Variants in ARHGEF4 observed in about 807,000 individuals in gnomAD.
The protein encoded by ARHGEF4 is Rho guanine nucleotide exchange factor 4.
In ARHGEF4, 119 loss-of-function variants were observed where a neutral mutation model predicts 162.0. The ratio of observed to expected loss-of-function variants is 0.73; its 90% CI spans 0.63 to 0.86. ARHGEF4 has a LOEUF of 0.86. Among genes scored for constraint, ARHGEF4 ranks in the 40% least tolerant of loss-of-function variants. The pLI, the probability that ARHGEF4 is intolerant of heterozygous loss-of-function variation, is 0.00. For missense variants in ARHGEF4, 2,488 were observed against 2,456.0 expected (o/e 1.01, Z -0.28); for synonymous variants, 1,014 against 979.9 (o/e 1.03, Z -0.65).
At chr2:130,894,148 A>G (rs547151457) in intron 1 of ARHGEF4, among the ~76,000 whole-genome samples, 6 of 152,326 alleles carry the variant, frequency 3.9e-5, no homozygotes, top group Admixed American at 3.9e-4. Context: ...CCAGTTTGCC[A>G]TGGACATGAT....
At chr2:130,942,831 T>A (rs1049979305) in intron 3 of ARHGEF4, among the ~76,000 whole-genome samples, 60 of 152,344 alleles carry the variant, frequency 3.9e-4, no homozygotes, top group African/African-American at 1.3e-3. Flanking sequence ...CAAACTTTTT[T>A]AAAATTTCAT....
intron 4 of ARHGEF4, among the ~76,000 whole-genome samples, chr2:130,975,232 T>C (rs1685628208): frequency 6.6e-6 from 1 of 152,198 alleles, no homozygotes. Context: ...AGGAGCTAAT[T>C]GTGTGAATCA....
At chr2:130,905,742 T>C (rs1460190674) in intron 1 of ARHGEF4, among the ~76,000 whole-genome samples, 1 of 152,246 alleles carries the variant, frequency 6.6e-6, no homozygotes, top group Admixed American at 6.5e-5. Flanking sequence ...TATATTGTTA[T>C]AATTACTCTT....
intron 4 of ARHGEF4, among the ~76,000 whole-genome samples, chr2:131,008,483 C>T (rs1262867726): frequency 2.6e-5 from 4 of 152,314 alleles, no homozygotes; most frequent in African/African-American, 7.2e-5. Flanking sequence ...ACCATCACAA[C>T]AGTCTCTTTC....
At chr2:131,015,819 C>G (rs537368495) in intron 4 of ARHGEF4, among the ~76,000 whole-genome samples, 11 of 152,326 alleles carry the variant, frequency 7.2e-5, no homozygotes, top group African/African-American at 2.6e-4. Flanking sequence ...GAAACTTCAC[C>G]TCTCTGGGCC....
intron 4 of ARHGEF4, among the ~76,000 whole-genome samples, chr2:131,019,855 C>T (rs1573627537): frequency 1.3e-5 from 2 of 152,030 alleles, no homozygotes; most frequent in African/African-American, 4.8e-5. Context: ...AGGATGGTCT[C>T]GATTTCCTGA....
chr2:130,980,535 A>C lies in ARHGEF4; in HGVS notation c.3985+33900A>C, dbSNP rs146509871. On this transcript the variant is annotated intron_variant, in intron 4 of 13. Coordinates refer to ENST00000409359, the MANE Select transcript of ARHGEF4 (RefSeq NM_001367493.1). The stretch of plus-strand genomic sequence containing the variant: ...AAGTAATCTTTCACTTAAATACTAT[A>C]CAACGAAACAGGGAGAAAGTAAGAA... 4.7e-3 allele frequency among the ~76,000 whole-genome samples: 717 copies of C among 152,372 alleles called. 5 individuals carry two copies. The highest frequency in any genetic ancestry group is 0.017 in the African/African-American group (689 of 41,596).
At chr2:130,984,602 T>A (rs1247268402) in intron 4 of ARHGEF4, among the ~76,000 whole-genome samples, 2 of 150,680 alleles carry the variant, frequency 1.3e-5, no homozygotes, top group Non-Finnish European at 2.9e-5. Context: ...GGCAGGAGAA[T>A]CGCTTGAACC....
Position 130,946,649 on chromosome 2 carries a change from C to A in ARHGEF4, c.3985+14C>A. On this transcript the variant is annotated intron_variant, in intron 4 of 13. Transcript: ENST00000409359. The stretch of plus-strand genomic sequence containing the variant: ...CACCAGGCACTGGTGAGTTACGCGC[C>A]TCTCTCTTTTGCTATGTACTCTGGA... The A allele has an allele frequency of 2.5e-6, 4 of 1,613,664 alleles. No individual in the cohort carries two copies. Among genetic ancestry groups the A allele is most frequent in the Non-Finnish European group, 2.5e-6 (3 of 1,179,752 alleles).
chr2:130,923,809 A>C (rs572952657), intron 2 of ARHGEF4, among the ~76,000 whole-genome samples: 107 of 152,244 alleles, frequency 7.0e-4, no homozygotes, highest in Admixed American at 1.4e-3. Context: ...AGTAATGTGG[A>C]GGAATCCCCT....
In ARHGEF4 at chr2:131,011,713, C is replaced by T. The variant is rs904381859; in HGVS notation, c.3986-16232C>T. The T allele has an allele frequency of 2.8e-6, 4 of 1,432,150 alleles. No individual in the cohort carries two copies. The African/African-American group carries it at 4.2e-5, about 15-fold the overall frequency. The allele number at this position is 1,432,150 out of a possible 1,614,324, so 88.7% of individuals were successfully genotyped here. Reference sequence around the variant, plus strand: ...AGAGGAAATGAGGCCAGATGGGCAGCAAGCTTTGGATGCTGTGGTAAGGAG... The same window carrying T: ...AGAGGAAATGAGGCCAGATGGGCAGTAAGCTTTGGATGCTGTGGTAAGGAG... On this transcript the variant is annotated intron_variant, in intron 4 of 13. Coordinates refer to ENST00000409359, the MANE Select transcript of ARHGEF4 (RefSeq NM_001367493.1).
At chr2:131,018,835 G>A (rs539517235) in intron 4 of ARHGEF4, among the ~76,000 whole-genome samples, 10 of 152,192 alleles carry the variant, frequency 6.6e-5, no homozygotes, top group South Asian at 2.1e-4. Flanking sequence ...AACACTGTTC[G>A]CTGTAAAGAC....
chr2:130,912,766 G>A lies in ARHGEF4; in HGVS notation c.40-1220G>A, dbSNP rs575285792. ...CAAGTCATTGTATGTACTGAGACACGCTACAGCCATGATGCCTAAGGGAAG... is the reference window on the plus strand; with the variant it reads ...CAAGTCATTGTATGTACTGAGACACACTACAGCCATGATGCCTAAGGGAAG... On this transcript the variant is annotated intron_variant, in intron 1 of 13. Transcript: ENST00000409359. Among the ~76,000 whole-genome samples, 16 of 152,230 alleles carry A rather than the reference G, an allele frequency of 1.1e-4. 1 individual carries two copies. The South Asian group carries it at 2.5e-3, about 24-fold the overall frequency.
chr2:130,952,524 G>T (rs957671294), intron 4 of ARHGEF4, among the ~76,000 whole-genome samples: 2 of 152,100 alleles, frequency 1.3e-5, no homozygotes, highest in African/African-American at 4.8e-5. Flanking sequence ...GCCCTATCTC[G>T]CCACTCCTAT....
intron 2 of ARHGEF4, among the ~76,000 whole-genome samples, chr2:130,928,921 C>T (rs950856185): frequency 1.3e-5 from 2 of 152,186 alleles, no homozygotes; most frequent in Non-Finnish European, 2.9e-5. Flanking sequence ...TTCTATCTGT[C>T]TGTCTAGTAC....
At chr2:130,872,024 A>G (rs1678519594) in intron 1 of ARHGEF4, among the ~76,000 whole-genome samples, 1 of 152,266 alleles carries the variant, frequency 6.6e-6, no homozygotes. Flanking sequence ...GTGCATCTGC[A>G]AAATGGAGCA....
At chr2:130,852,453 CT>C (rs1208936094) in intron 1 of ARHGEF4, among the ~76,000 whole-genome samples, 5 of 151,350 alleles carry the variant, frequency 3.3e-5, no homozygotes, top group Admixed American at 2.6e-4. Flanking sequence ...TCCAAGGAGG[CT>C]GCACAGATGA....
At chr2:130,949,890 C>A (rs918910858) in intron 4 of ARHGEF4, among the ~76,000 whole-genome samples, 1 of 152,240 alleles carries the variant, frequency 6.6e-6, no homozygotes, top group African/African-American at 2.4e-5. Flanking sequence ...CTCAGGTGAT[C>A]TGTTTGCCTC....
chr2:130,866,616 C>G (rs111869584), intron 1 of ARHGEF4, among the ~76,000 whole-genome samples: 2 of 152,204 alleles, frequency 1.3e-5, no homozygotes, highest in African/African-American at 4.8e-5. Context: ...CTGCCAGATA[C>G]TCTTTCTGCA....
Sources: allele counts gnomAD v4.1 joint callset (sites outside exome capture counted in the v4.1 genomes callset), GRCh38; gene constraint gnomAD v4.1.1; transcripts MANE v1.5; gene names NCBI Gene and HGNC (gene_info 2026-07-23, HGNC 2026-07-21).